The following ABTB3 variants were observed in gnomAD, a reference collection of about 807,000 sequenced individuals.
The protein encoded by ABTB3 is ankyrin repeat- and BTB/POZ domain-containing protein 3.
At chr12:107,416,813 G>T in the ABTB3 span, among the ~76,000 whole-genome samples, 2 of 152,088 alleles carry the variant, frequency 1.3e-5, no homozygotes, top group African/African-American at 2.4e-5. Context: ...AAAATGTTTT[G>T]TAGACATGGG....
the ABTB3 span, among the ~76,000 whole-genome samples, chr12:107,459,915 TCATCTCTC>T: frequency 1.3e-5 from 2 of 152,148 alleles, no homozygotes; most frequent in African/African-American, 2.4e-5. Flanking sequence ...CCCCTGGCAT[TCATCTCTC>T]AGTGACTCTA....
chr12:107,531,692 A>G, the ABTB3 span, among the ~76,000 whole-genome samples: 46 of 152,250 alleles, frequency 3.0e-4, 1 homozygote, highest in African/African-American at 1.1e-3. Flanking sequence ...AGGAAACTGC[A>G]TTATTCCAGA....
the ABTB3 span, among the ~76,000 whole-genome samples, chr12:107,593,749 T>C: frequency 1.3e-5 from 2 of 152,188 alleles, no homozygotes; most frequent in African/African-American, 4.8e-5. Context: ...CTCCACGAGG[T>C]TGGGGACCCA....
the ABTB3 span, among the ~76,000 whole-genome samples, chr12:107,362,489 A>G: frequency 2.6e-5 from 4 of 152,318 alleles, no homozygotes; most frequent in African/African-American, 9.6e-5. Flanking sequence ...ACTGTTCTCT[A>G]ATAATAACAA....
At chr12:107,334,987 T>C in the ABTB3 span, among the ~76,000 whole-genome samples, 1 of 152,122 alleles carries the variant, frequency 6.6e-6, no homozygotes, top group Admixed American at 6.5e-5. Context: ...TCAGACCCCA[T>C]GAAGAAGCAG....
At chr12:107,566,928 C>G in the ABTB3 span, among the ~76,000 whole-genome samples, 4 of 152,032 alleles carry the variant, frequency 2.6e-5, no homozygotes, top group African/African-American at 9.7e-5. Context: ...GCCTGGGTAA[C>G]AGAGGGAGAC....
the ABTB3 span, among the ~76,000 whole-genome samples, chr12:107,563,080 C>T: frequency 2.9e-4 from 44 of 152,234 alleles, no homozygotes; most frequent in African/African-American, 9.4e-4. Flanking sequence ...GTCCTGGGCC[C>T]GACTCTTAAC....
the ABTB3 span, among the ~76,000 whole-genome samples, chr12:107,579,882 GT>G: frequency 6.6e-6 from 1 of 152,334 alleles, no homozygotes; most frequent in South Asian, 2.1e-4. Flanking sequence ...ATTTCTCAAA[GT>G]GTGGTACTTG....
chr12:107,545,523 G>A, the ABTB3 span, among the ~76,000 whole-genome samples: 1 of 152,034 alleles, frequency 6.6e-6, no homozygotes, highest in Non-Finnish European at 1.5e-5. Context: ...GGATTACAGG[G>A]TGAGCAATCA....
the ABTB3 span, among the ~76,000 whole-genome samples, chr12:107,545,871 C>A: frequency 0.3 from 46,066 of 152,036 alleles, 7,222 homozygotes; most frequent in East Asian, 0.38. Flanking sequence ...CCTGTCCAGC[C>A]GTGCAGTTTC....
the ABTB3 span, among the ~76,000 whole-genome samples, chr12:107,615,612 A>T: frequency 6.6e-6 from 1 of 152,190 alleles, no homozygotes; most frequent in Non-Finnish European, 1.5e-5. Context: ...GTGTTTCCAA[A>T]AGACACTTGC....
At chr12:107,471,119 A>C in the ABTB3 span, among the ~76,000 whole-genome samples, 1 of 152,216 alleles carries the variant, frequency 6.6e-6, no homozygotes, top group Non-Finnish European at 1.5e-5. Context: ...TTCCGCATAC[A>C]CTTTCAGAAT....
the ABTB3 span, among the ~76,000 whole-genome samples, chr12:107,593,860 T>C: frequency 1.3e-5 from 2 of 152,018 alleles, no homozygotes; most frequent in Admixed American, 1.3e-4. Context: ...AGAGAGAAAA[T>C]AGAAGGGCAG....
chr12:107,322,803 C>G, the ABTB3 span, among the ~76,000 whole-genome samples: 1 of 151,352 alleles, frequency 6.6e-6, no homozygotes, highest in Admixed American at 6.6e-5. Context: ...AGAGTCCGTA[C>G]TCTTAACTCC....
the ABTB3 span, among the ~76,000 whole-genome samples, chr12:107,441,175 G>C: frequency 6.6e-5 from 10 of 152,112 alleles, no homozygotes; most frequent in African/African-American, 1.4e-4. Context: ...ATTCATTGCA[G>C]CACTATTCAC....
chr12:107,583,630 C>T, the ABTB3 span, among the ~76,000 whole-genome samples: 1 of 152,192 alleles, frequency 6.6e-6, no homozygotes, highest in African/African-American at 2.4e-5. Flanking sequence ...CCTCAGGGGC[C>T]ACTGTCCATC....
the ABTB3 span, among the ~76,000 whole-genome samples, chr12:107,602,509 A>G: frequency 6.6e-6 from 1 of 152,248 alleles, no homozygotes; most frequent in Non-Finnish European, 1.5e-5. Flanking sequence ...AGCGCTATAC[A>G]CGAATTATCT....
chr12:107,472,858 G>A, the ABTB3 span, among the ~76,000 whole-genome samples: 1 of 152,206 alleles, frequency 6.6e-6, no homozygotes, highest in Non-Finnish European at 1.5e-5. Flanking sequence ...CTCCAGGGAT[G>A]TTCAGTGGGA....
the ABTB3 span, among the ~76,000 whole-genome samples, chr12:107,641,645 C>G: frequency 6.6e-6 from 1 of 152,192 alleles, no homozygotes; most frequent in Non-Finnish European, 1.5e-5. Flanking sequence ...CAGGTTCATA[C>G]TGGGACAGGA....
Sources: allele counts gnomAD v4.1 joint callset (sites outside exome capture counted in the v4.1 genomes callset), GRCh38; gene constraint gnomAD v4.1.1; transcripts MANE v1.5; gene names NCBI Gene and HGNC (gene_info 2026-07-23, HGNC 2026-07-21).